The following NLRP12 variants were observed in gnomAD, a reference collection of about 807,000 sequenced individuals.
NLRP12 encodes the protein NLR family pyrin domain containing 12, also known as NACHT, LRR and PYD domains-containing protein 12.
Under a neutral mutation model 91.2 loss-of-function variants are expected in NLRP12, and 108 were observed. The observed-to-expected ratio is 1.18, with a 90% confidence interval of 1.01 to 1.39. The LOEUF (loss-of-function observed/expected upper bound fraction) is 1.39. Among genes scored for constraint, NLRP12 ranks in the 40% most tolerant of loss-of-function variants. NLRP12 has a pLI of 0.00. For synonymous variants in NLRP12, 613 were observed against 566.7 expected, an observed-to-expected ratio of 1.08 and a Z score of -1.16; for missense variants, 1,530 against 1,352.7, an observed-to-expected ratio of 1.13 and a Z score of -2.06.
intron 6 of NLRP12, 96 bp downstream of exon 6, chr19:53,803,856 G>A (rs778134155): frequency 4.8e-6 from 6 of 1,259,200 alleles, no homozygotes; most frequent in Non-Finnish European, 6.9e-6. Context: ...TTACAGGCGT[G>A]AGCCACTGCG....
intron 1 of NLRP12, among the ~76,000 whole-genome samples, chr19:53,815,629 G>C (rs1165611430): frequency 6.6e-6 from 1 of 151,598 alleles, no homozygotes; most frequent in Non-Finnish European, 1.5e-5. Flanking sequence ...TTCTTTTCGA[G>C]ACGGAGTCTG....
chr19:53,815,046 A>T, intron 1 of NLRP12, 58 bp from the exon 2 acceptor site: 1 of 1,290,770 alleles, frequency 7.7e-7, no homozygotes, highest in Non-Finnish European at 1.1e-6. Flanking sequence ...GCACCGCGTC[A>T]TATTAGCTGC....
At chr19:53,801,017 C>G (rs2091860321) in intron 7 of NLRP12, among the ~76,000 whole-genome samples, 1 of 151,866 alleles carries the variant, frequency 6.6e-6, no homozygotes, top group Middle Eastern at 3.4e-3. Context: ...CATGATGAAA[C>G]CCTGTCTCTA....
chr19:53,805,751 A>T (rs533062404), intron 4 of NLRP12: 3 of 396,178 alleles, frequency 7.6e-6, no homozygotes, highest in African/African-American at 6.2e-5. Context: ...CTCCTGGGTC[A>T]AGTGATCCTC....
intron 2 of NLRP12, among the ~76,000 whole-genome samples, chr19:53,814,368 TAA>T (rs1568687145): frequency 6.6e-6 from 1 of 151,966 alleles, no homozygotes; most frequent in Non-Finnish European, 1.5e-5. Flanking sequence ...GCTTTTTTTT[TAA>T]GAGATGGAGT....
chr19:53,812,361 A>G (rs929747209), intron 2 of NLRP12, among the ~76,000 whole-genome samples: 2 of 151,336 alleles, frequency 1.3e-5, no homozygotes, highest in African/African-American at 4.9e-5. Context: ...CACACCTGTA[A>G]GAGATCGCCC....
At chr19:53,804,785 T>C (rs2091931068) in intron 5 of NLRP12, among the ~76,000 whole-genome samples, 1 of 150,168 alleles carries the variant, frequency 6.7e-6, no homozygotes, top group South Asian at 2.2e-4. Flanking sequence ...TCCAGCACTT[T>C]GGGAGGCCAA....
At position 53,801,253 on chromosome 19, in the gene NLRP12, A is replaced by C. The variant is rs760410517; in HGVS notation, c.2730T>G (p.His910Gln). Residue 910 changes from histidine to glutamine, a missense_variant, in exon 7 of 10, where the codon CAT becomes CAG. Physicochemically the swap from His to Gln is conservative, Grantham distance 24. Coordinates refer to ENST00000324134, the MANE Select transcript of NLRP12 (RefSeq NM_144687.4). ...GCAGGGTCTGGAGCTTGCACGTGGG[A>C]TGCCTGAGGCCCTCACACAGCAGCA... ...GVLLLCEGLR[H>Q]PTCKLQTLRL... 6.2e-7 allele frequency: 1 copy of C among 1,613,912 alleles called. No homozygotes were observed. The highest frequency in any genetic ancestry group is 8.5e-7 in the Non-Finnish European group (1 of 1,179,998).
chr19:53,807,269 T>C (rs1003032604), intron 4 of NLRP12, among the ~76,000 whole-genome samples: 1 of 152,194 alleles, frequency 6.6e-6, no homozygotes, highest in Admixed American at 6.5e-5. Flanking sequence ...CATTTTGCCA[T>C]GTTGGCCAGG....
chr19:53,793,806 C>T lies in NLRP12; in HGVS notation c.*243G>A, dbSNP rs965306197. On this transcript the variant is annotated 3_prime_UTR_variant, in exon 10 of 10. Transcript: ENST00000324134. ...TTCACCATCTTGGCCAGGCTAATCT[C>T]AAACTCCTGACCTCGTGATCCACCT... The T allele has an allele frequency of 8.5e-6, 5 of 588,572 alleles. No individual in the cohort carries two copies. The highest frequency in any genetic ancestry group is 7.5e-5 in the African/African-American group (4 of 53,672). The allele number at this position is 588,572 out of a possible 1,614,324, so 36.5% of individuals were successfully genotyped here.
chr19:53,803,456 A>T (rs1321020971), intron 6 of NLRP12, among the ~76,000 whole-genome samples: 2 of 151,868 alleles, frequency 1.3e-5, no homozygotes, highest in African/African-American at 4.8e-5. Flanking sequence ...CTGGGATTAC[A>T]GGCGTGAACT....
chr19:53,809,602 G>A lies in NLRP12; in HGVS notation c.2057C>T (p.Thr686Met), dbSNP rs756690369. 3 of 1,610,434 alleles carry A rather than the reference G, an allele frequency of 1.9e-6. No homozygotes were observed. Among genetic ancestry groups the A allele is most frequent in the South Asian group, 1.1e-5 (1 of 90,998 alleles). ...GGATACTTACAGCTGCACCAACAGC[G>A]TGTGCGCTCCTGCGGAGCACCTCGC... ...DRARCSAGAH[T>M]LLVQLPERTV... Residue 686 changes from threonine to methionine, a missense_variant, in exon 3 of 10, where the codon ACG (threonine) becomes ATG (methionine). By Grantham distance (81) the Thr-to-Met change is moderately conservative. Transcript: ENST00000324134.
rs202007906 is a variant in NLRP12 at position 53,805,416 on chromosome 19, C to T, written c.2278G>A (p.Glu760Lys). Residue 760 changes from glutamate to lysine, a missense_variant, in exon 5 of 10, where the codon GAG becomes AAG. Coordinates refer to ENST00000324134, the MANE Select transcript of NLRP12 (RefSeq NM_144687.4). The stretch of plus-strand genomic sequence containing the variant: ...GCTATGAGAGCTGCAGAGAGGTCCT[C>T]GCAGGCTGAGCTGGAGATGCGGCAC... Reference protein sequence around the residue: ...KRCRISSSACEDLSAALIANK... With the variant: ...KRCRISSSACKDLSAALIANK... 8.1e-6 allele frequency: 13 copies of T among 1,613,932 alleles called. No homozygotes were observed. In the Admixed American group the frequency reaches 8.3e-5, roughly 10 times the overall value.
At chr19:53,804,324 T>C (rs2091920654) in intron 5 of NLRP12, among the ~76,000 whole-genome samples, 1 of 151,886 alleles carries the variant, frequency 6.6e-6, no homozygotes, top group African/African-American at 2.4e-5. Context: ...CCTGAGTAAC[T>C]GGGAATACAT....
Position 53,810,303 on chromosome 19 carries a change from G to A in NLRP12, c.1356C>T (p.Leu452=). 6.2e-7 allele frequency: 1 copy of A among 1,613,858 alleles called. No individual in the cohort carries two copies. The highest frequency in any genetic ancestry group is 1.1e-5 in the South Asian group (1 of 91,090). ...ACCCTCTCTGGTTGGGTGGGGGCTG[G>A]AGGCGCGGGGCCCCCGGCTTGGGTT... is the stretch of plus-strand genomic sequence containing the variant. ...LMQPKPGAPR[L]QPPPNQRGLC... The change falls in exon 3 of 10, where the codon CTC becomes CTT. Residue 452 remains leucine (L), a synonymous_variant. Transcript: ENST00000324134.
chr19:53,819,555 G>A (rs962241563), intron 1 of NLRP12, among the ~76,000 whole-genome samples: 1 of 55,714 alleles, frequency 1.8e-5, no homozygotes, highest in African/African-American at 6.7e-5. Context: ...ATATATGTAT[G>A]TATACGTATA....
At chr19:53,802,838 A>G (rs2091897340) in intron 6 of NLRP12, among the ~76,000 whole-genome samples, 1 of 152,110 alleles carries the variant, frequency 6.6e-6, no homozygotes. Flanking sequence ...CAGTGGCTTG[A>G]TCACAGCTCA....
chr19:53,815,159 C>T (rs1343914812), intron 1 of NLRP12, among the ~76,000 whole-genome samples, 171 bp from the exon 2 acceptor site: 2 of 151,606 alleles, frequency 1.3e-5, no homozygotes, highest in Non-Finnish European at 2.9e-5. Context: ...TCCCTTGTTC[C>T]TTGTAGCGCA....
intron 6 of NLRP12, among the ~76,000 whole-genome samples, chr19:53,802,410 AAAAT>A (rs1467287522): frequency 1.3e-5 from 2 of 151,252 alleles, no homozygotes; most frequent in African/African-American, 4.9e-5. Flanking sequence ...CCTACTATTA[AAAAT>A]AAATAGAATG....
Sources: allele counts gnomAD v4.1 joint callset (sites outside exome capture counted in the v4.1 genomes callset), GRCh38; gene constraint gnomAD v4.1.1; transcripts MANE v1.5; gene names NCBI Gene and HGNC (gene_info 2026-07-23, HGNC 2026-07-21).